TCF25: variants seen among roughly 807,000 people sequenced by gnomAD.
TCF25 encodes TCF25 ribosome quality control complex subunit, also known as ribosome quality control complex subunit TCF25.
In TCF25, 41 loss-of-function variants were observed where a neutral mutation model predicts 83.1. The ratio of observed to expected loss-of-function variants is 0.49; its 90% CI spans 0.38 to 0.64. The LOEUF is 0.64. Among genes scored for constraint, TCF25 ranks in the 30% least tolerant of loss-of-function variants. The probability of loss-of-function intolerance (pLI) is 0.00; values close to 1 mark genes in which losing one functional copy is unlikely to be tolerated. For synonymous variants in TCF25, 458 were observed against 365.0 expected, an observed-to-expected ratio of 1.25 and a Z score of -2.90; for missense variants, 979 against 914.5, an observed-to-expected ratio of 1.07 and a Z score of -0.91.
At chr16:89,878,731 C>A (rs980629303) in intron 1 of TCF25, 24 of 867,932 alleles carry the variant, frequency 2.8e-5, no homozygotes, top group Middle Eastern at 7.3e-4. Flanking sequence ...AGCTCTGCCT[C>A]CTGGATTCAC....
intron 15 of TCF25, 73 bp from the exon 16 acceptor site, chr16:89,907,170 A>G: frequency 6.9e-7 from 1 of 1,456,026 alleles, no homozygotes; most frequent in African/African-American, 1.4e-5. Flanking sequence ...AGTCGACAGA[A>G]GGACTCTGCT....
At chr16:89,908,392 CCA>C (rs1299595021) in intron 16 of TCF25, among the ~76,000 whole-genome samples, 4 of 146,074 alleles carry the variant, frequency 2.7e-5, no homozygotes, top group African/African-American at 1.0e-4. Flanking sequence ...CTCCCTCCTT[CCA>C]GTTTCCACCT....
chr16:89,884,474 A>C, intron 2 of TCF25, 108 bp from the exon 3 acceptor site: 4 of 1,100,700 alleles, frequency 3.6e-6, no homozygotes, highest in Non-Finnish European at 2.7e-6. Context: ...ACACGGAGGG[A>C]GAGGTAGGGG....
intron 1 of TCF25, among the ~76,000 whole-genome samples, chr16:89,880,046 C>T (rs2042489995): frequency 6.6e-6 from 1 of 151,830 alleles, no homozygotes; most frequent in South Asian, 2.1e-4. Flanking sequence ...TGTCCGTGTA[C>T]ACAGATGGGC....
chr16:89,904,403 C>A, intron 13 of TCF25, 198 bp downstream of exon 13: 1 of 621,564 alleles, frequency 1.6e-6, no homozygotes, highest in Non-Finnish European at 2.8e-6. Context: ...GGTGGGACAG[C>A]TGAGCAGCCT....
intron 14 of TCF25, 28 bp from the exon 15 acceptor site, chr16:89,906,166 G>A (rs1308580037): frequency 6.2e-7 from 1 of 1,602,372 alleles, no homozygotes; most frequent in Admixed American, 1.7e-5. Context: ...TGCTTTATCT[G>A]CTGTGCCTTG....
rs891673345 is a variant in TCF25, at chr16:89,895,867, T to C, written c.929-123T>C. 59 of 776,132 alleles carry C rather than the reference T, an allele frequency of 7.6e-5. 1 individual carries two copies. The Admixed American group carries it at 1.4e-3, about 18-fold the overall frequency. 48.1% of individuals were successfully genotyped at this position (776,132 alleles called of 1,614,324 possible). ...CCCAGGGGCATGTCTGCCCTCTCAG[T>C]GTCCAGGACTCTAGTTTCGTGACCT... On this transcript the variant is annotated intron_variant, in intron 8 of 17. Coordinates refer to ENST00000263346, the MANE Select transcript of TCF25 (RefSeq NM_014972.3).
chr16:89,911,331 G>C lies in TCF25; in HGVS notation c.*93G>C. 1 of 1,512,674 alleles carries C rather than the reference G, an allele frequency of 6.6e-7. No homozygotes were observed. The allele number at this position is 1,512,674 out of a possible 1,614,324, so 93.7% of individuals were successfully genotyped here. On this transcript the variant is annotated 3_prime_UTR_variant, in exon 18 of 18. Transcript: ENST00000263346. Reference sequence around the variant, plus strand: ...CAGTTGCCTGAAGTAGGGAAGCTGAGTGTGTCGCTCCCTGGTCCACTGTTT... The same window carrying C: ...CAGTTGCCTGAAGTAGGGAAGCTGACTGTGTCGCTCCCTGGTCCACTGTTT...
Position 89,898,845 on chromosome 16 carries a change from C to T in TCF25, c.1194C>T (p.Tyr398=). Residue 398 remains tyrosine, a synonymous_variant, in exon 11 of 18, where the codon TAC becomes TAT. Coordinates refer to ENST00000263346, the MANE Select transcript of TCF25 (RefSeq NM_014972.3). ...HLALRARNYE[Y]LIRLFQEWEA... is the part of the protein sequence containing the mutation. ...CCTTGCGGGCCCGGAACTACGAGTA[C>T]CTGATCCGCCTCTTCCAGGAGTGGG... 1 of 1,613,886 alleles carries T rather than the reference C, an allele frequency of 6.2e-7. No homozygotes were observed. The highest frequency in any genetic ancestry group is 8.5e-7 in the Non-Finnish European group (1 of 1,180,042).
intron 8 of TCF25, 72 bp from the exon 9 acceptor site, chr16:89,895,918 C>T: frequency 7.3e-7 from 1 of 1,373,082 alleles, no homozygotes; most frequent in Non-Finnish European, 1.0e-6. Flanking sequence ...CCTTGTTGTC[C>T]ATTATCAGAG....
In TCF25 at chr16:89,910,630, C is replaced by T. The variant is rs759109053; in HGVS notation, c.1839C>T (p.Phe613=). Residue 613 remains phenylalanine (F), a synonymous_variant, in exon 17 of 18, where the codon TTC becomes TTT. Transcript: ENST00000263346. ...PISHGNTIAL[F]FRSLLPNYTM... ...GCCATGGAAACACCATTGCTCTCTTCTTCCGGTCACTGTTGCCAAACTATA... is the reference window on the plus strand; with the variant it reads ...GCCATGGAAACACCATTGCTCTCTTTTTCCGGTCACTGTTGCCAAACTATA... 8.1e-6 allele frequency: 13 copies of T among 1,613,722 alleles called. No homozygotes were observed. Among genetic ancestry groups the T allele is most frequent in the Middle Eastern group, 1.7e-4 (1 of 6,060 alleles).
At chr16:89,876,388 A>G (rs1480558575) in intron 1 of TCF25, among the ~76,000 whole-genome samples, 1 of 152,228 alleles carries the variant, frequency 6.6e-6, no homozygotes, top group Non-Finnish European at 1.5e-5. Context: ...AATGGTTATG[A>G]ATGTGAATGC....
intron 5 of TCF25, 110 bp downstream of exon 5, chr16:89,887,827 G>T (rs2043132010): frequency 4.9e-6 from 5 of 1,022,306 alleles, no homozygotes. Context: ...AGTATTTAAA[G>T]CCAGAGTGCA....
chr16:89,898,834 A>T lies in TCF25; in HGVS notation c.1183A>T (p.Asn395Tyr), dbSNP rs1390692061. 6.2e-7 allele frequency: 1 copy of T among 1,613,718 alleles called. No homozygotes were observed. Among genetic ancestry groups the T allele is most frequent in the African/African-American group, 1.3e-5 (1 of 74,916 alleles). ...LIDHLALRAR[N>Y]YEYLIRLFQE... ...CGACCACCTGGCCTTGCGGGCCCGG[A>T]ACTACGAGTACCTGATCCGCCTCTT... The change falls in exon 11 of 18, where the codon AAC (asparagine) becomes TAC (tyrosine). Residue 395 changes from asparagine (N) to tyrosine (Y), a missense_variant. Asn to Tyr is a moderately radical substitution (Grantham distance 143). Transcript: ENST00000263346.
chr16:89,894,107 G>A (rs1002752890), intron 7 of TCF25, among the ~76,000 whole-genome samples: 2 of 152,184 alleles, frequency 1.3e-5, no homozygotes, highest in Admixed American at 1.3e-4. Flanking sequence ...CCGTTCCTGG[G>A]GACCGTCGCA....
At chr16:89,878,292 A>T (rs1053140329) in intron 1 of TCF25, among the ~76,000 whole-genome samples, 3 of 151,852 alleles carry the variant, frequency 2.0e-5, no homozygotes, top group Admixed American at 6.6e-5. Context: ...AAAAAAAAAA[A>T]AGACAACCTC....
intron 16 of TCF25, among the ~76,000 whole-genome samples, chr16:89,908,500 G>A (rs1366635651): frequency 1.1e-5 from 1 of 87,086 alleles, no homozygotes; most frequent in African/African-American, 5.1e-5. Context: ...TTTCCTCGCA[G>A]TTCCCACCTC....
At chr16:89,900,252 C>G (rs1427522798) in intron 11 of TCF25, among the ~76,000 whole-genome samples, 1 of 152,058 alleles carries the variant, frequency 6.6e-6, no homozygotes, top group African/African-American at 2.4e-5. Flanking sequence ...CTCGGAAACT[C>G]GCGCGGCAGT....
intron 6 of TCF25, among the ~76,000 whole-genome samples, chr16:89,892,544 C>T (rs929921496): frequency 6.6e-6 from 1 of 152,180 alleles, no homozygotes; most frequent in African/African-American, 2.4e-5. Context: ...AGGCCTGGCC[C>T]AGTACCTCAA....
Sources: allele counts gnomAD v4.1 joint callset (sites outside exome capture counted in the v4.1 genomes callset), GRCh38; gene constraint gnomAD v4.1.1; transcripts MANE v1.5; gene names NCBI Gene and HGNC (gene_info 2026-07-23, HGNC 2026-07-21).